The following SPATA7 variants were observed in gnomAD, a reference collection of about 807,000 sequenced individuals.
The protein encoded by SPATA7 is spermatogenesis associated 7, also known as spermatogenesis-associated protein 7.
A neutral mutation model predicts 51.8 loss-of-function variants in SPATA7; 43 were observed. The ratio of observed to expected loss-of-function variants is 0.83; its 90% CI spans 0.65 to 1.07. SPATA7 has a LOEUF of 1.07. SPATA7 is among the 50% of genes least tolerant of loss of function. The pLI, the probability that SPATA7 is intolerant of heterozygous loss-of-function variation, is 0.00. For missense variants in SPATA7, 683 were observed against 701.3 expected, an observed-to-expected ratio of 0.97 and a Z score of 0.30; for synonymous variants, 230 against 252.8, an observed-to-expected ratio of 0.91 and a Z score of 0.86.
intron 4 of SPATA7, among the ~76,000 whole-genome samples, chr14:88,400,855 TA>T (rs1391614933): frequency 6.6e-6 from 1 of 151,620 alleles, no homozygotes; most frequent in African/African-American, 2.4e-5. Context: ...AATTAAAAAT[TA>T]AAAAAAACTT....
intron 4 of SPATA7, among the ~76,000 whole-genome samples, chr14:88,400,187 T>C (rs59845616): frequency 0.035 from 5,376 of 152,248 alleles, 311 homozygotes; most frequent in African/African-American, 0.12. Context: ...AATGGGAAAT[T>C]CACAAATACA....
At chr14:88,459,609 T>A (rs540808130), downstream of SPATA7, among the ~76,000 whole-genome samples, 7 of 152,326 alleles carry the variant, frequency 4.6e-5, no homozygotes, top group Non-Finnish European at 4.4e-5. Context: ...TATGTGAGTC[T>A]CTGCATGTGA....
At chr14:88,443,792 G>A (rs2077194292) in intron 3 of SPATA7, among the ~76,000 whole-genome samples, 3 of 152,126 alleles carry the variant, frequency 2.0e-5, no homozygotes, top group Admixed American at 2.0e-4. Flanking sequence ...CTTCATCCAT[G>A]TTCCCACAAA....
rs1449821049 is a variant in SPATA7 at position 88,437,528 on chromosome 14, G to GT, written c.1161-12dup. ...CTGATTTTGAGACATTAACATTTTT[G>GT]TTTATCATTTGTAGGTTTTTAGAAC... is the stretch of plus-strand genomic sequence containing the variant. On this transcript the variant is annotated splice_polypyrimidine_tract_variant and intron_variant, in intron 10 of 11. Coordinates refer to ENST00000393545, the MANE Select transcript of SPATA7 (RefSeq NM_018418.5). The GT allele has an allele frequency of 2.5e-6, 4 of 1,590,672 alleles. No individual in the cohort carries two copies. The highest frequency in any genetic ancestry group is 2.2e-5 in the South Asian group (2 of 89,674).
At chr14:88,426,739 A>G (rs780174244) in intron 6 of SPATA7, 35 bp downstream of exon 6, 6 of 1,550,236 alleles carry the variant, frequency 3.9e-6, no homozygotes, top group Non-Finnish European at 5.3e-6. Flanking sequence ...TAAATCCTTC[A>G]GGAAATTAAA....
intron 3 of SPATA7, among the ~76,000 whole-genome samples, chr14:88,443,738 G>A (rs2077193846): frequency 6.6e-6 from 1 of 151,490 alleles, no homozygotes; most frequent in African/African-American, 2.4e-5. Context: ...GTGGTGTTTG[G>A]TTTTCTGTCC....
chr14:88,470,161 AAAAAGTAG>A, exon 5 of SPATA7: 1 of 966,208 alleles, frequency 1.0e-6, no homozygotes, highest in East Asian at 2.6e-5. Context: ...GTAAAAAGTA[AAAAAGTAG>A]TAAACTGGAT....
intron 4 of SPATA7, among the ~76,000 whole-genome samples, chr14:88,411,609 C>T (rs2076343342): frequency 6.6e-6 from 1 of 152,102 alleles, no homozygotes; most frequent in Admixed American, 6.6e-5. Context: ...CTCATGGCTT[C>T]CCTTGGCTAG....
chr14:88,400,079 C>T (rs1054269734), intron 4 of SPATA7, among the ~76,000 whole-genome samples: 1 of 152,044 alleles, frequency 6.6e-6, no homozygotes, highest in Non-Finnish European at 1.5e-5. Context: ...CATATTAGGC[C>T]ATAAAATCAG....
At chr14:88,449,272 T>C (rs2077234988) in intron 3 of SPATA7, among the ~76,000 whole-genome samples, 1 of 152,206 alleles carries the variant, frequency 6.6e-6, no homozygotes, top group African/African-American at 2.4e-5. Context: ...ATAGTTTGTG[T>C]CACTACTATC....
At chr14:88,411,856 G>C (rs777728350) in intron 4 of SPATA7, among the ~76,000 whole-genome samples, 3 of 152,086 alleles carry the variant, frequency 2.0e-5, no homozygotes, top group Non-Finnish European at 4.4e-5. Context: ...TTTTTGGGGG[G>C]GGTTTATACA....
At chr14:88,437,469 G>A in intron 10 of SPATA7, 74 bp from the exon 11 acceptor site, 8 of 1,027,974 alleles carry the variant, frequency 7.8e-6, no homozygotes, top group Non-Finnish European at 1.2e-5. Context: ...TGTAGTTTCA[G>A]TGTTACGTAG....
At chr14:88,404,975 G>T (rs2076165833) in intron 4 of SPATA7, among the ~76,000 whole-genome samples, 1 of 152,094 alleles carries the variant, frequency 6.6e-6, no homozygotes, top group African/African-American at 2.4e-5. Flanking sequence ...AATAAATAAA[G>T]AATATGTCAT....
At chr14:88,462,776 C>A (rs923042444) in intron 4 of SPATA7, among the ~76,000 whole-genome samples, 3 of 152,136 alleles carry the variant, frequency 2.0e-5, no homozygotes, top group African/African-American at 7.2e-5. Context: ...ATGATCAAAA[C>A]ATTTATCTAG....
chr14:88,469,398 T>C lies in SPATA7; in HGVS notation c.255-449T>C. The C allele has an allele frequency of 8.5e-6, 9 of 1,060,700 alleles. No individual in the cohort carries two copies. The South Asian group carries it at 1.3e-4, about 16-fold the overall frequency. 65.7% of individuals were successfully genotyped at this position (1,060,700 alleles called of 1,614,324 possible). On this transcript the variant is annotated intron_variant, in intron 4 of 4. Coordinates refer to the SPATA7 transcript ENST00000556406. This position sits in a 1 kb window ranked among gnomAD's most constrained non-coding sequence, Gnocchi z 4.3. ...TATGTTAAAACAAGTCCGAAGCTTA[T>C]ATGAGATAACATAAAGGAAATATTT...
At position 88,425,676 on chromosome 14, in the gene SPATA7, G is replaced by A. The variant is rs761658187; in HGVS notation, c.373-556G>A. On this transcript the variant is annotated intron_variant, in intron 5 of 11. Transcript: ENST00000393545. ...ATTACCCCCACCCCAATGAAAAGAA[G>A]TTGAGAAATATATATGAAATTATTA... is the stretch of plus-strand genomic sequence containing the variant. 8.4e-4 allele frequency among the ~76,000 whole-genome samples: 127 copies of A among 152,056 alleles called. 1 individual carries two copies. Among genetic ancestry groups the A allele is most frequent in the Non-Finnish European group, 1.2e-3 (79 of 68,008 alleles).
intron 4 of SPATA7, among the ~76,000 whole-genome samples, chr14:88,415,635 A>T (rs982596281): frequency 6.6e-6 from 1 of 152,032 alleles, no homozygotes; most frequent in Non-Finnish European, 1.5e-5. Flanking sequence ...TGATCCTGTC[A>T]TGGTGGTGTT....
At chr14:88,458,154 T>C (rs971639904), downstream of SPATA7, among the ~76,000 whole-genome samples, 2 of 152,224 alleles carry the variant, frequency 1.3e-5, no homozygotes, top group African/African-American at 4.8e-5. Flanking sequence ...GATTTTTGCA[T>C]CAATGTTCAT....
intron 7 of SPATA7, 32 bp from the exon 8 acceptor site, chr14:88,429,316 A>G (rs749007444): frequency 7.3e-7 from 1 of 1,368,918 alleles, no homozygotes; most frequent in South Asian, 1.2e-5. Context: ...ATTTTTAAGC[A>G]AAAATAAATA....
Sources: gnomAD v4.1 joint callset for allele counts (sites outside exome capture counted in the v4.1 genomes callset) on GRCh38, gnomAD v4.1.1 for gene constraint, Gnocchi (gnomAD v3.1) non-coding constraint, MANE v1.5 for transcripts, NCBI Gene and HGNC (gene_info 2026-07-23, HGNC 2026-07-21) for gene names.